Variants in EXOC6 observed in about 807,000 individuals in gnomAD.
EXOC6 encodes the protein SEC15-like 1.
In EXOC6, 60 loss-of-function variants were observed where a neutral mutation model predicts 112.5. The observed-to-expected ratio is 0.53, with a 90% confidence interval of 0.43 to 0.66. EXOC6 has a LOEUF of 0.66. Ranked by LOEUF, EXOC6 falls within the 30% of genes least tolerant of loss-of-function variation. The pLI, the probability that EXOC6 is intolerant of heterozygous loss-of-function variation, is 0.00. For synonymous variants in EXOC6, 295 were observed against 308.0 expected (o/e 0.96, Z 0.44); for missense variants, 855 against 957.1 (o/e 0.89, Z 1.41).
At position 92,935,881 on chromosome 10, in the gene EXOC6, T is replaced by C. The variant is rs1224907667; in HGVS notation, c.1208T>C (p.Leu403Ser). 6.3e-7 allele frequency: 1 copy of C among 1,591,030 alleles called. No individual in the cohort carries two copies. The highest frequency in any genetic ancestry group is 1.1e-5 in the South Asian group (1 of 90,216). Residue 403 changes from leucine (L) to serine (S), a missense_variant, in exon 12 of 22, where the codon TTA (leucine) becomes TCA (serine). By Grantham distance (145) the Leu-to-Ser change is moderately radical. Around this residue, in one of 2 missense-constraint regions of EXOC6, gnomAD observed 450 missense variants for 563.5 expected, o/e 0.80. Coordinates refer to ENST00000260762, the MANE Select transcript of EXOC6 (RefSeq NM_019053.6). ...CTTACTGTAATATTTGCAGATACTTTACAGGTGGGTGATAACCTAACAATT... is the reference window on the plus strand; with the variant it reads ...CTTACTGTAATATTTGCAGATACTTCACAGGTGGGTGATAACCTAACAATT... ...KNLTVIFADT[L>S]QGYGFPVNRL... is the part of the protein sequence containing the mutation.
chr10:92,928,045 T>C (rs1007228853), intron 8 of EXOC6, among the ~76,000 whole-genome samples: 1 of 152,224 alleles, frequency 6.6e-6, no homozygotes, highest in Non-Finnish European at 1.5e-5. Flanking sequence ...CTTCCCTCAC[T>C]GATAGCCATA....
chr10:92,925,400 T>G (rs1851660797), intron 8 of EXOC6, among the ~76,000 whole-genome samples: 1 of 151,974 alleles, frequency 6.6e-6, no homozygotes, highest in Non-Finnish European at 1.5e-5. Flanking sequence ...GTTCAAGCAA[T>G]TATCATGCCT....
chr10:92,827,571 T>G (rs1256699937), intron 1 of EXOC6, among the ~76,000 whole-genome samples: 2 of 149,774 alleles, frequency 1.3e-5, no homozygotes, highest in East Asian at 4.0e-4. Flanking sequence ...GCAGCATTTC[T>G]GTCTTTCAGC....
Position 92,915,565 on chromosome 10 carries a change from A to ATTT in EXOC6, c.664-173_664-171dup, listed in dbSNP as rs1172917198. 3.6e-3 allele frequency among the ~76,000 whole-genome samples: 388 copies of ATTT among 109,194 alleles called. 1 individual carries two copies. The highest frequency in any genetic ancestry group is 0.021 in the Middle Eastern group (4 of 190). 71.6% of individuals were successfully genotyped at this position (109,194 alleles called of 152,430 possible). ...GCCTGGATGACAGAGTGAGACCCTGATTTTTTTTTTTTTTTTTTTTTTAAA... is the reference window on the plus strand; with the variant it reads ...GCCTGGATGACAGAGTGAGACCCTGATTTTTTTTTTTTTTTTTTTTTTTTTAAA... On this transcript the variant is annotated intron_variant, in intron 6 of 21. Coordinates refer to ENST00000260762, the MANE Select transcript of EXOC6 (RefSeq NM_019053.6).
intron 5 of EXOC6, among the ~76,000 whole-genome samples, chr10:92,907,222 A>C (rs1372956572): frequency 6.6e-6 from 1 of 152,174 alleles, no homozygotes; most frequent in East Asian, 1.9e-4. Context: ...TGAGAGAGCA[A>C]ATATGAGGGT....
chr10:92,903,626 C>T (rs1055725033), intron 5 of EXOC6, among the ~76,000 whole-genome samples: 2 of 150,420 alleles, frequency 1.3e-5, no homozygotes, highest in Non-Finnish European at 3.0e-5. Context: ...ACATCTTTTG[C>T]TTTTTTTTTA....
intron 5 of EXOC6, among the ~76,000 whole-genome samples, chr10:92,905,607 G>A (rs1374068396): frequency 6.6e-6 from 1 of 151,792 alleles, no homozygotes; most frequent in Non-Finnish European, 1.5e-5. Flanking sequence ...CTTCCATGTA[G>A]TATGATGTTG....
At chr10:93,046,022 G>A (rs1030473264) in intron 20 of EXOC6, among the ~76,000 whole-genome samples, 1 of 152,184 alleles carries the variant, frequency 6.6e-6, no homozygotes, top group South Asian at 2.1e-4. Context: ...TAGATGTCAA[G>A]TAAATGATAA....
chr10:93,014,105 T>TTATAATGAGTAGAAATTAATTTTGCA, intron 19 of EXOC6, 89 bp from the exon 20 acceptor site: 1 of 940,226 alleles, frequency 1.1e-6, no homozygotes. Context: ...TTATAATGCA[T>TTATAATGAGTAGAAATTAATTTTGCA]TTATAATGAG....
chr10:92,854,810 G>GT (rs1003604686), intron 1 of EXOC6, among the ~76,000 whole-genome samples: 8 of 151,904 alleles, frequency 5.3e-5, no homozygotes, highest in Non-Finnish European at 1.2e-4. Context: ...ATTTTGATCT[G>GT]TTTTTTGTGT....
At chr10:92,981,845 C>T (rs1429186674) in intron 18 of EXOC6, among the ~76,000 whole-genome samples, 3 of 152,096 alleles carry the variant, frequency 2.0e-5, no homozygotes, top group East Asian at 1.9e-4. Flanking sequence ...CGGCTGGGTG[C>T]GGTGGCTCAC....
At chr10:93,045,575 T>G (rs1342052637) in intron 20 of EXOC6, among the ~76,000 whole-genome samples, 2 of 152,236 alleles carry the variant, frequency 1.3e-5, no homozygotes, top group Admixed American at 1.3e-4. Context: ...TGTCTTCCTT[T>G]GTTGCTCAAG....
intron 8 of EXOC6, among the ~76,000 whole-genome samples, chr10:92,926,935 T>C (rs2133930090): frequency 6.6e-6 from 1 of 152,310 alleles, no homozygotes; most frequent in South Asian, 2.1e-4. Flanking sequence ...ATCCTCTACA[T>C]TTATTTAAAA....
chr10:93,039,848 G>A (rs937101078), intron 20 of EXOC6, among the ~76,000 whole-genome samples: 4 of 152,146 alleles, frequency 2.6e-5, no homozygotes, highest in African/African-American at 9.7e-5. Context: ...TCAACTGTGT[G>A]GCAGAATGCT....
intron 18 of EXOC6, among the ~76,000 whole-genome samples, chr10:92,993,033 AATG>A (rs1396660328): frequency 6.6e-6 from 1 of 152,018 alleles, no homozygotes; most frequent in African/African-American, 2.4e-5. Context: ...GTTTGTATAA[AATG>A]ATAATATTTT....
upstream of EXOC6, among the ~76,000 whole-genome samples, chr10:92,844,583 G>T (rs904040010): frequency 5.3e-5 from 8 of 151,222 alleles, no homozygotes; most frequent in South Asian, 1.5e-3. Flanking sequence ...ACACAATCAG[G>T]TTTTTTTTTA....
intron 13 of EXOC6, among the ~76,000 whole-genome samples, chr10:92,942,841 C>G (rs145406323): frequency 6.6e-6 from 1 of 152,052 alleles, no homozygotes; most frequent in African/African-American, 2.4e-5. Flanking sequence ...ACTGGGGAAA[C>G]CATGAGGTAT....
At chr10:92,929,749 TTCTC>T (rs1384366690) in intron 9 of EXOC6, among the ~76,000 whole-genome samples, 1 of 152,326 alleles carries the variant, frequency 6.6e-6, no homozygotes, top group Non-Finnish European at 1.5e-5. Flanking sequence ...AGTTGATGAA[TTCTC>T]TCTTAGTTAA....
intron 20 of EXOC6, among the ~76,000 whole-genome samples, chr10:93,033,418 C>G (rs190469505): frequency 6.8e-4 from 103 of 152,200 alleles, no homozygotes; most frequent in African/African-American, 2.4e-3. Flanking sequence ...GTTTTTATTT[C>G]AAGAGAACTG....
Sources: allele counts gnomAD v4.1 joint callset (sites outside exome capture counted in the v4.1 genomes callset), GRCh38; gene constraint gnomAD v4.1.1; regional missense constraint gnomAD v4.1.1; transcripts MANE v1.5; gene names NCBI Gene and HGNC (gene_info 2026-07-23, HGNC 2026-07-21).